The following DENND5B variants were observed in gnomAD, a reference collection of about 807,000 sequenced individuals.
DENND5B encodes the protein DENN domain containing 5B, also known as DENN domain-containing protein 5B.
A neutral mutation model predicts 140.6 loss-of-function variants in DENND5B; 34 were observed. That is an observed-to-expected ratio of 0.24 (90% CI 0.18 to 0.32). The LOEUF (loss-of-function observed/expected upper bound fraction) is 0.32, where lower values mean the gene tolerates loss of function less well. Ranked by LOEUF, DENND5B falls within the 10% of genes least tolerant of loss-of-function variation. DENND5B has a pLI of 1.00. For missense variants in DENND5B, 1,142 were observed against 1,560.2 expected, an observed-to-expected ratio of 0.73 and a Z score of 4.52; for synonymous variants, 551 against 562.1, an observed-to-expected ratio of 0.98 and a Z score of 0.28.
intron 11 of DENND5B, among the ~76,000 whole-genome samples, chr12:31,420,867 T>C (rs1348664080): frequency 3.3e-5 from 5 of 152,164 alleles, no homozygotes; most frequent in South Asian, 2.1e-4. Flanking sequence ...GGTGCAGTGA[T>C]CACTAGATCA....
chr12:31,391,048 C>G (rs1437681219), intron 19 of DENND5B, among the ~76,000 whole-genome samples: 1 of 152,120 alleles, frequency 6.6e-6, no homozygotes, highest in Admixed American at 6.6e-5. Context: ...TATCATGTCA[C>G]TACTTAGCTC....
intron 1 of DENND5B, among the ~76,000 whole-genome samples, chr12:31,574,961 C>G (rs979363835): frequency 6.6e-6 from 1 of 152,148 alleles, no homozygotes; most frequent in African/African-American, 2.4e-5. Context: ...GGTACCAATG[C>G]CTGTGTTTTA....
At chr12:31,472,859 G>A (rs886228238) in intron 3 of DENND5B, among the ~76,000 whole-genome samples, 1 of 151,956 alleles carries the variant, frequency 6.6e-6, no homozygotes. Context: ...CACAGGAGTG[G>A]GTCAAATAAT....
At chr12:31,495,946 T>C (rs777072570) in intron 1 of DENND5B, 27 bp from the exon 2 acceptor site, 2 of 1,488,242 alleles carry the variant, frequency 1.3e-6, no homozygotes, top group Non-Finnish European at 1.8e-6. Flanking sequence ...ATAGTTAATA[T>C]CTAGAACTTT....
chr12:31,493,651 G>A (rs145214453), intron 2 of DENND5B, among the ~76,000 whole-genome samples: 2 of 152,220 alleles, frequency 1.3e-5, no homozygotes, highest in Non-Finnish European at 2.9e-5. Context: ...CCAATATGGT[G>A]AAACCCTGTC....
intron 1 of DENND5B, among the ~76,000 whole-genome samples, chr12:31,510,673 T>G (rs1947376445): frequency 6.6e-6 from 1 of 152,186 alleles, no homozygotes; most frequent in Admixed American, 6.5e-5. Context: ...CTCTAATTTC[T>G]TCTCTCTTCT....
In DENND5B at chr12:31,384,039, C is replaced by G. The variant is rs1007720084; in HGVS notation, c.*3564G>C. On this transcript the variant is annotated 3_prime_UTR_variant, in exon 21 of 21. Transcript: ENST00000389082. Reference sequence around the variant, plus strand: ...AGCAATGTATTAATTTAAAAAATTACCACAGCAGAAAAGATGCCTCTATGT... The same window carrying G: ...AGCAATGTATTAATTTAAAAAATTAGCACAGCAGAAAAGATGCCTCTATGT... 6.6e-6 allele frequency: 1 copy of G among 152,064 alleles called. No homozygotes were observed. The highest frequency in any genetic ancestry group is 2.4e-5 in the African/African-American group (1 of 41,410). The allele number at this position is 152,064 out of a possible 1,614,324, so 9.4% of individuals were successfully genotyped here. A position where few individuals can be genotyped will look rare whatever the true frequency, so the allele number is the denominator to read the frequency against.
intron 2 of DENND5B, among the ~76,000 whole-genome samples, chr12:31,495,016 C>T (rs1170037997): frequency 9.2e-5 from 14 of 152,106 alleles, no homozygotes; most frequent in Non-Finnish European, 7.3e-5. Flanking sequence ...CTCCATCCAC[C>T]GGTAACAATA....
At chr12:31,494,217 TACCTCTACCTACCTAC>T (rs1946673567) in intron 2 of DENND5B, among the ~76,000 whole-genome samples, 1 of 87,206 alleles carries the variant, frequency 1.1e-5, no homozygotes, top group African/African-American at 4.5e-5. Context: ...CCTACCTACC[TACCTCTACCTACCTAC>T]CTACCTACCT....
At chr12:31,515,019 G>A (rs562727168) in intron 1 of DENND5B, among the ~76,000 whole-genome samples, 2 of 152,206 alleles carry the variant, frequency 1.3e-5, no homozygotes, top group African/African-American at 4.8e-5. Context: ...GCTACTCAAG[G>A]GACTGAAGTG....
chr12:31,475,073 G>A (rs1291087769), intron 3 of DENND5B, among the ~76,000 whole-genome samples: 1 of 151,982 alleles, frequency 6.6e-6, no homozygotes, highest in Non-Finnish European at 1.5e-5. Flanking sequence ...TATCATCTTG[G>A]GCAGATTACT....
chr12:31,470,047 C>T (rs1446278342), intron 3 of DENND5B, among the ~76,000 whole-genome samples: 1 of 150,916 alleles, frequency 6.6e-6, no homozygotes, highest in Admixed American at 6.6e-5. Flanking sequence ...CTCCTGGGCT[C>T]AGGTGATCCT....
intron 6 of DENND5B, chr12:31,443,728 G>C (rs894908505): frequency 6.6e-6 from 1 of 152,264 alleles, no homozygotes; most frequent in Admixed American, 6.5e-5. Flanking sequence ...TTCTCCATCT[G>C]TAAAAACAAG....
chr12:31,429,672 G>A (rs1225805672), intron 8 of DENND5B, among the ~76,000 whole-genome samples: 1 of 151,384 alleles, frequency 6.6e-6, no homozygotes, highest in Non-Finnish European at 1.5e-5. Context: ...GCCTCCCAAA[G>A]TGCTGGGATT....
intron 6 of DENND5B, chr12:31,444,221 GC>G (rs1479533416): frequency 6.6e-6 from 1 of 152,142 alleles, no homozygotes; most frequent in Non-Finnish European, 1.5e-5. Flanking sequence ...AGAACCAGGT[GC>G]CTTTATAAAT....
At chr12:31,581,109 T>G (rs1287468887) in intron 1 of DENND5B, among the ~76,000 whole-genome samples, 1 of 152,080 alleles carries the variant, frequency 6.6e-6, no homozygotes, top group African/African-American at 2.4e-5. Context: ...TGTCTCACTC[T>G]TGTTATAAAT....
chr12:31,518,659 T>G (rs1000580800), intron 1 of DENND5B, among the ~76,000 whole-genome samples: 2 of 152,166 alleles, frequency 1.3e-5, no homozygotes, highest in Non-Finnish European at 2.9e-5. Context: ...GTATATTACC[T>G]TCCCTTCTCA....
At chr12:31,542,928 G>A (rs567528522) in intron 1 of DENND5B, among the ~76,000 whole-genome samples, 9 of 152,280 alleles carry the variant, frequency 5.9e-5, no homozygotes, top group Admixed American at 4.6e-4. Context: ...CATTACTCCA[G>A]CCTGGGCGAC....
chr12:31,392,282 T>C lies in DENND5B; in HGVS notation c.3451A>G (p.Ile1151Val). ...SARIFHKNVF[I>V]WDFIEKVVAY... Reference sequence around the variant, plus strand: ...CTTTATTTACCTATGAAGTCCCAGATGAAGACATTCTTGTGAAAGATGCGG... The same window carrying C: ...CTTTATTTACCTATGAAGTCCCAGACGAAGACATTCTTGTGAAAGATGCGG... The change falls in exon 19 of 21, where the codon ATC becomes GTC. Residue 1151 changes from isoleucine (I) to valine (V), a missense_variant. Physicochemically the swap from Ile to Val is conservative, Grantham distance 29. Around this residue, in one of 5 missense-constraint regions of DENND5B, gnomAD observed 125 missense variants for 179.0 expected, o/e 0.70. Transcript: ENST00000389082. 6.2e-7 allele frequency: 1 copy of C among 1,613,942 alleles called. No homozygotes were observed. Among genetic ancestry groups the C allele is most frequent in the Non-Finnish European group, 8.5e-7 (1 of 1,179,864 alleles).
Sources: allele counts gnomAD v4.1 joint callset (sites outside exome capture counted in the v4.1 genomes callset), GRCh38; gene constraint gnomAD v4.1.1; regional missense constraint gnomAD v4.1.1; transcripts MANE v1.5; gene names NCBI Gene and HGNC (gene_info 2026-07-23, HGNC 2026-07-21).